The following MYLK variants were observed in gnomAD, a reference collection of about 807,000 sequenced individuals.
MYLK encodes the protein myosin light chain kinase.
MYLK carries 106 observed loss-of-function variants against 203.4 expected under a neutral mutation model. That is an observed-to-expected ratio of 0.52 (90% confidence interval 0.45 to 0.61). The LOEUF is 0.61. Ranked by LOEUF, MYLK falls within the 20% of genes least tolerant of loss-of-function variation. The pLI, the probability that MYLK is intolerant of heterozygous loss-of-function variation, is 0.00. For synonymous variants in MYLK, 867 were observed against 959.5 expected, an observed-to-expected ratio of 0.90 and a Z score of 1.78; for missense variants, 2,072 against 2,442.3, an observed-to-expected ratio of 0.85 and a Z score of 3.20.
intron 6 of MYLK, 112 bp from the exon 7 acceptor site, chr3:123,739,174 C>G: frequency 1.6e-6 from 2 of 1,259,994 alleles, no homozygotes; most frequent in Admixed American, 3.9e-5. Flanking sequence ...CAAAGTGTAG[C>G]CTTCCCAATT....
chr3:123,789,676 A>AAG (rs1553848824), intron 4 of MYLK, among the ~76,000 whole-genome samples: 99 of 145,650 alleles, frequency 6.8e-4, no homozygotes, highest in East Asian at 2.2e-3. Flanking sequence ...AAAAAAAAAA[A>AAG]AAGAAGGAAC....
chr3:123,854,694 T>C (rs866064947), intron 2 of MYLK, among the ~76,000 whole-genome samples: 1 of 152,164 alleles, frequency 6.6e-6, no homozygotes, highest in Non-Finnish European at 1.5e-5. Context: ...GCCCAAACCT[T>C]AGCATCTCAC....
intron 4 of MYLK, among the ~76,000 whole-genome samples, chr3:123,768,511 G>A (rs764433877): frequency 6.6e-6 from 1 of 152,174 alleles, no homozygotes; most frequent in Non-Finnish European, 1.5e-5. Context: ...CTAACACCAT[G>A]CAGGGCTCAG....
chr3:123,724,628 C>G lies in MYLK; in HGVS notation c.1651+1316G>C, dbSNP rs576959684. 4.6e-5 allele frequency among the ~76,000 whole-genome samples: 7 copies of G among 152,304 alleles called. No homozygotes were observed. The South Asian group carries it at 1.4e-3, about 32-fold the overall frequency. On this transcript the variant is annotated intron_variant, in intron 12 of 33. Transcript: ENST00000360304. ...AAGACAGCTTCTAGCAAAGCCTGAG[C>G]AAACTACACCAACAAGGAAGGTTCA... is the stretch of plus-strand genomic sequence containing the variant.
At chr3:123,637,958 C>G (rs1287760750) in intron 29 of MYLK, 113 bp downstream of exon 29, 5 of 1,496,074 alleles carry the variant, frequency 3.3e-6, no homozygotes, top group East Asian at 4.7e-5. Flanking sequence ...CTGGGGGGGG[C>G]TCCCCATCAT....
rs376997840 is a variant in MYLK at position 123,722,207 on chromosome 3, C to T, written c.1725G>A (p.Pro575=). The T allele has an allele frequency of 2.8e-5, 44 of 1,562,134 alleles. No individual in the cohort carries two copies. The highest frequency in any genetic ancestry group is 3.8e-5 in the Admixed American group (2 of 52,716). Residue 575 remains proline, a synonymous_variant, in exon 13 of 34, where the codon CCG becomes CCA. Coordinates refer to ENST00000360304, the MANE Select transcript of MYLK (RefSeq NM_053025.4). ...GGCAGGTGTAGGTGCCATGGTCCTC[C>T]GGCAGGGCATCCTGGATGTGGAGCT... The part of the protein sequence containing the change: ...VAELHIQDAL[P]EDHGTYTCLA...
intron 2 of MYLK, among the ~76,000 whole-genome samples, chr3:123,857,575 C>T (rs62263663): frequency 8.7e-5 from 13 of 148,594 alleles, no homozygotes; most frequent in Non-Finnish European, 7.4e-5. Flanking sequence ...CATATTCTCA[C>T]TCATAGGTGG....
chr3:123,797,954 G>T (rs2065049539), intron 3 of MYLK, among the ~76,000 whole-genome samples: 1 of 152,224 alleles, frequency 6.6e-6, no homozygotes, highest in Admixed American at 6.5e-5. Flanking sequence ...TCAGGCAAGG[G>T]TCTATGAGTG....
intron 24 of MYLK, among the ~76,000 whole-genome samples, chr3:123,652,579 T>G (rs559218039): frequency 6.6e-6 from 1 of 152,192 alleles, no homozygotes; most frequent in Non-Finnish European, 1.5e-5. Context: ...AGGGCGTAGC[T>G]GCAGCCTGGG....
chr3:123,717,839 C>CTTTTTTTTTT (rs10574979), intron 13 of MYLK, among the ~76,000 whole-genome samples: 3 of 94,992 alleles, frequency 3.2e-5, no homozygotes, highest in African/African-American at 1.3e-4. Flanking sequence ...TTGAGGGACT[C>CTTTTTTTTTT]TTTTTTTTTT....
chr3:123,650,213 A>C (rs1046818037), intron 24 of MYLK, among the ~76,000 whole-genome samples: 1 of 152,120 alleles, frequency 6.6e-6, no homozygotes, highest in Non-Finnish European at 1.5e-5. Context: ...CCCATCTGTA[A>C]GAGGAAGGGT....
chr3:123,628,092 C>T (rs767359014), intron 30 of MYLK, among the ~76,000 whole-genome samples: 39 of 152,326 alleles, frequency 2.6e-4, no homozygotes, highest in Admixed American at 9.8e-4. Context: ...AGACTTCCCA[C>T]AGTATCTCAG....
At chr3:123,845,187 G>A (rs1214219823) in intron 2 of MYLK, among the ~76,000 whole-genome samples, 1 of 152,142 alleles carries the variant, frequency 6.6e-6, no homozygotes, top group Non-Finnish European at 1.5e-5. Context: ...CCTCCCTGTG[G>A]AAAGGGGCTG....
intron 18 of MYLK, among the ~76,000 whole-genome samples, chr3:123,694,745 C>A (rs922263391): frequency 6.6e-6 from 1 of 152,226 alleles, no homozygotes; most frequent in Non-Finnish European, 1.5e-5. Context: ...CAGGGCAAGG[C>A]ATGGGGCAGG....
intron 2 of MYLK, among the ~76,000 whole-genome samples, chr3:123,834,351 G>A (rs2148631471): frequency 6.6e-6 from 1 of 152,224 alleles, no homozygotes; most frequent in Non-Finnish European, 1.5e-5. Context: ...CAGCCTCAGA[G>A]TTTGGTAACT....
intron 19 of MYLK, 50 bp from the exon 20 acceptor site, chr3:123,682,360 G>T: frequency 7.2e-7 from 1 of 1,397,026 alleles, no homozygotes; most frequent in Non-Finnish European, 1.0e-6. Flanking sequence ...GAGGAAATGA[G>T]CAAAGGGGGT....
chr3:123,637,948 C>T (rs2058701017), intron 29 of MYLK, 123 bp downstream of exon 29: 1 of 1,456,052 alleles, frequency 6.9e-7, no homozygotes, highest in Admixed American at 1.9e-5. Flanking sequence ...CCTCCTGACT[C>T]TGGGGGGGGC....
intron 18 of MYLK, among the ~76,000 whole-genome samples, chr3:123,696,056 A>G (rs540424380): frequency 6.6e-6 from 1 of 152,304 alleles, no homozygotes; most frequent in Admixed American, 6.5e-5. Flanking sequence ...CCACAAATCA[A>G]CTAGTGGTGA....
At chr3:123,805,476 C>G (rs890607158) in intron 3 of MYLK, among the ~76,000 whole-genome samples, 1 of 149,208 alleles carries the variant, frequency 6.7e-6, no homozygotes, top group African/African-American at 2.4e-5. Flanking sequence ...GGAGGTTTTT[C>G]CCATAAAAAT....
Sources: allele counts gnomAD v4.1 joint callset (sites outside exome capture counted in the v4.1 genomes callset), GRCh38; gene constraint gnomAD v4.1.1; transcripts MANE v1.5; gene names NCBI Gene and HGNC (gene_info 2026-07-23, HGNC 2026-07-21).